UGGT2: variants seen among roughly 807,000 people sequenced by gnomAD.
UGGT2 encodes the protein UDP-glucose glycoprotein glucosyltransferase 2.
UGGT2 carries 180 observed loss-of-function variants against 192.1 expected under a neutral mutation model. That is an observed-to-expected ratio of 0.94 (90% CI 0.83 to 1.06). The LOEUF is 1.06. Ranked by LOEUF, UGGT2 falls within the 50% of genes least tolerant of loss-of-function variation. The pLI is 0.00. For synonymous variants in UGGT2, 580 were observed against 591.0 expected (o/e 0.98, Z 0.27); for missense variants, 1,849 against 1,795.7 (o/e 1.03, Z -0.54).
intron 13 of UGGT2, 145 bp from the exon 14 acceptor site, chr13:95,948,226 C>A (rs1039759555): frequency 5.4e-5 from 23 of 422,134 alleles, no homozygotes; most frequent in Non-Finnish European, 9.6e-5. Context: ...AATACACACA[C>A]ACACACACAC....
At chr13:96,012,802 A>G (rs1317496285) in intron 5 of UGGT2, among the ~76,000 whole-genome samples, 1 of 151,982 alleles carries the variant, frequency 6.6e-6, no homozygotes, top group Non-Finnish European at 1.5e-5. Flanking sequence ...AAACTTGAGG[A>G]GATACAGTAA....
chr13:95,927,072 T>G lies in UGGT2; in HGVS notation c.2156A>C (p.Lys719Thr), dbSNP rs755516566. ...STFFFLDSQD[K>T]SAVIAKNMYY... is the part of the protein sequence containing the mutation. ...CATGTTCTTTGCAATTACAGCACTC[T>G]TATCTTGTGAATCCAAGAAAAAGAA... The change falls in exon 19 of 39, where the codon AAG becomes ACG. Residue 719 changes from lysine (K) to threonine (T), a missense_variant. By Grantham distance (78) the Lys-to-Thr change is moderately conservative. Coordinates refer to ENST00000376747, the MANE Select transcript of UGGT2 (RefSeq NM_020121.4). The G allele has an allele frequency of 1.1e-5, 18 of 1,611,488 alleles. No homozygotes were observed. The highest frequency in any genetic ancestry group is 1.5e-5 in the Non-Finnish European group (18 of 1,179,290).
chr13:95,861,470 C>T (rs996583390), intron 31 of UGGT2, among the ~76,000 whole-genome samples: 1 of 152,046 alleles, frequency 6.6e-6, no homozygotes, highest in African/African-American at 2.4e-5. Context: ...TGTCTACTTA[C>T]TGGTTTACAT....
chr13:95,863,600 G>GA (rs1298861078), intron 31 of UGGT2, 29 bp downstream of exon 31: 2 of 1,534,374 alleles, frequency 1.3e-6, no homozygotes, highest in African/African-American at 1.4e-5. Flanking sequence ...TCAATCTAGT[G>GA]ATGTATTAAA....
Position 95,884,471 on chromosome 13 carries a change from G to A in UGGT2, c.3228+20C>T. 1 of 1,571,930 alleles carries A rather than the reference G, an allele frequency of 6.4e-7. No homozygotes were observed. The highest frequency in any genetic ancestry group is 8.6e-7 in the Non-Finnish European group (1 of 1,157,804). Reference sequence around the variant, plus strand: ...TTATCCTGTTTCTCTCTCTTTATATGACTATACACAATAACTTACATCCTT... The same window carrying A: ...TTATCCTGTTTCTCTCTCTTTATATAACTATACACAATAACTTACATCCTT... On this transcript the variant is annotated intron_variant, in intron 27 of 38. Transcript: ENST00000376747.
intron 38 of UGGT2, among the ~76,000 whole-genome samples, chr13:95,819,608 T>TA (rs1020270208): frequency 6.6e-6 from 1 of 152,110 alleles, no homozygotes; most frequent in Non-Finnish European, 1.5e-5. Flanking sequence ...GAAACATTCA[T>TA]AAAAACTGGT....
intron 4 of UGGT2, among the ~76,000 whole-genome samples, chr13:96,017,390 A>T (rs1329903536): frequency 1.3e-5 from 2 of 152,140 alleles, no homozygotes; most frequent in African/African-American, 2.4e-5. Flanking sequence ...TCACTATGTG[A>T]CGTGCCTGTT....
At chr13:95,938,067 T>C (rs1048427984) in intron 16 of UGGT2, among the ~76,000 whole-genome samples, 7 of 152,208 alleles carry the variant, frequency 4.6e-5, no homozygotes, top group Admixed American at 2.0e-4. Context: ...TCTCTTCTCT[T>C]GTCTGCCATC....
At chr13:95,883,657 C>T (rs975505641) in intron 27 of UGGT2, among the ~76,000 whole-genome samples, 15 of 152,240 alleles carry the variant, frequency 9.9e-5, no homozygotes, top group African/African-American at 3.1e-4. Context: ...CCCCTTCCAC[C>T]GTGATGCCAT....
chr13:96,030,657 T>C (rs2052805624), intron 2 of UGGT2, among the ~76,000 whole-genome samples: 1 of 152,198 alleles, frequency 6.6e-6, no homozygotes, highest in African/African-American at 2.4e-5. Flanking sequence ...TAATAAACTA[T>C]TTTAATCACC....
chr13:95,964,119 C>T (rs971445204), intron 12 of UGGT2, among the ~76,000 whole-genome samples: 3 of 152,092 alleles, frequency 2.0e-5, no homozygotes, highest in Admixed American at 6.5e-5. Context: ...TAAAGACAGA[C>T]ACACAGACCA....
At chr13:95,985,306 G>A (rs1374717374) in intron 9 of UGGT2, 6 of 1,290,770 alleles carry the variant, frequency 4.6e-6, no homozygotes, top group Admixed American at 4.0e-5. Context: ...AAAGTTGACT[G>A]AAAGAGGCAT....
intron 24 of UGGT2, 149 bp from the exon 25 acceptor site, chr13:95,891,113 G>GA: frequency 1.9e-6 from 1 of 540,310 alleles, no homozygotes; most frequent in South Asian, 3.5e-5. Flanking sequence ...TTGCAAATCT[G>GA]AAAATCTGTT....
rs2047692123 is a variant in UGGT2, at chr13:95,887,969, T to C, written c.2961A>G (p.Val987=). ...EAQKMAQLLV[V]LGKIINMKIK... ...TCTTCATGTTGATAATCTTGCCAAG[T>C]ACCTATTGGAAAGAAATTCCCATGT... The change falls in exon 26 of 39, where the codon GTA becomes GTG. Residue 987 remains valine, a splice_region_variant and synonymous_variant. Transcript: ENST00000376747. 2 of 1,592,356 alleles carry C rather than the reference T, an allele frequency of 1.3e-6. No homozygotes were observed. Among genetic ancestry groups the C allele is most frequent in the African/African-American group, 1.3e-5 (1 of 74,328 alleles).
At chr13:95,950,521 A>C (rs1434711052) in intron 12 of UGGT2, among the ~76,000 whole-genome samples, 1 of 147,442 alleles carries the variant, frequency 6.8e-6, no homozygotes, top group Non-Finnish European at 1.5e-5. Context: ...ACAGCTTTTC[A>C]TCAATTTCTG....
intron 36 of UGGT2, among the ~76,000 whole-genome samples, chr13:95,849,953 TTGTC>T (rs1888870949): frequency 1.3e-5 from 2 of 151,016 alleles, no homozygotes; most frequent in Non-Finnish European, 2.9e-5. Context: ...TTTTTTTGGA[TTGTC>T]TAAGTAGGCA....
intron 1 of UGGT2, 81 bp downstream of exon 1, chr13:96,053,074 C>A: frequency 7.2e-7 from 1 of 1,393,602 alleles, no homozygotes; most frequent in Admixed American, 3.2e-5. Context: ...AGCCAGACAC[C>A]CGCTGCGAGC....
intron 8 of UGGT2, among the ~76,000 whole-genome samples, chr13:95,989,363 G>C (rs925548789): frequency 1.3e-5 from 2 of 152,050 alleles, no homozygotes; most frequent in African/African-American, 4.8e-5. Context: ...ACAAAAGTTA[G>C]ATTATGCAGA....
At chr13:95,861,429 C>A (rs561452715) in intron 31 of UGGT2, among the ~76,000 whole-genome samples, 1 of 152,184 alleles carries the variant, frequency 6.6e-6, no homozygotes, top group East Asian at 1.9e-4. Flanking sequence ...CTCTGGATGA[C>A]TTCCATGACA....
Sources: gnomAD v4.1 joint callset for allele counts (sites outside exome capture counted in the v4.1 genomes callset) on GRCh38, gnomAD v4.1.1 for gene constraint, MANE v1.5 for transcripts, NCBI Gene and HGNC (gene_info 2026-07-23, HGNC 2026-07-21) for gene names.